CLN3: variants seen among roughly 807,000 people sequenced by gnomAD.
The protein encoded by CLN3 is battenin.
CLN3 carries 49 observed loss-of-function variants against 60.7 expected under a neutral mutation model. The ratio of observed to expected loss-of-function variants is 0.81; its 90% CI spans 0.64 to 1.02. The LOEUF is 1.02. Among genes scored for constraint, CLN3 ranks in the 50% least tolerant of loss-of-function variants. The probability of loss-of-function intolerance (pLI) is 0.00; values close to 1 mark genes in which losing one functional copy is unlikely to be tolerated. For missense variants in CLN3, 516 were observed against 557.4 expected (o/e 0.93, Z 0.75); for synonymous variants, 256 against 245.8 (o/e 1.04, Z -0.39).
chr16:28,486,527 A>C (rs1475475465), intron 8 of CLN3, 37 bp from the exon 9 acceptor site: 1 of 1,609,144 alleles, frequency 6.2e-7, no homozygotes, highest in East Asian at 2.2e-5. Flanking sequence ...AGGAGGACCT[A>C]GGCTGACCAT....
intron 14 of CLN3, among the ~76,000 whole-genome samples, chr16:28,481,043 G>A (rs925702254): frequency 2.0e-5 from 3 of 152,144 alleles, no homozygotes; most frequent in Admixed American, 6.6e-5. Flanking sequence ...CTTTGCCTGA[G>A]GTAAATGACC....
chr16:28,476,953 A>G (rs1399238570), downstream of CLN3: 1 of 171,272 alleles, frequency 5.8e-6, no homozygotes, highest in Non-Finnish European at 1.3e-5. Flanking sequence ...CCTGGCCAAC[A>G]TGGCAAAATG....
Position 28,488,646 on chromosome 16 carries a change from G to A in CLN3, c.239C>T (p.Thr80Met), listed in dbSNP as rs775999656. 71 of 1,614,044 alleles carry A rather than the reference G, an allele frequency of 4.4e-5. No individual in the cohort carries two copies. Among genetic ancestry groups the A allele is most frequent in the Non-Finnish European group, 5.8e-5 (68 of 1,180,008 alleles). ...GNQSHVDPGP[T>M]PIPHNSSSRF... Reference sequence around the variant, plus strand: ...TGATGAGCTGTTGTGGGGGATCGGCGTTGGGCCTGGGTCCACCTAATGGGA... The same window carrying A: ...TGATGAGCTGTTGTGGGGGATCGGCATTGGGCCTGGGTCCACCTAATGGGA... Residue 80 changes from threonine (T) to methionine (M), a missense_variant, in exon 5 of 16, where the codon ACG becomes ATG. By Grantham distance (81) the Thr-to-Met change is moderately conservative. Coordinates refer to ENST00000636147, the MANE Select transcript of CLN3 (RefSeq NM_001042432.2).
In CLN3 at chr16:28,491,540, G is replaced by A. The variant is rs757558651; in HGVS notation, c.67C>T (p.Pro23Ser). ...TGATGGTCCAACAGAGGGAGCCGGG[G>A]CTCCGGGACGGTCTCCTCCCCTGGG... ...DSEGEETVPEPRLPLLDHQGA... is the reference protein window; with the variant it reads ...DSEGEETVPESRLPLLDHQGA... The change falls in exon 3 of 16, where the codon CCC (proline) becomes TCC (serine). Residue 23 changes from proline to serine, a missense_variant. Coordinates refer to ENST00000636147, the MANE Select transcript of CLN3 (RefSeq NM_001042432.2). The A allele has an allele frequency of 3.1e-6, 5 of 1,613,984 alleles. No homozygotes were observed. In the East Asian group the frequency reaches 6.7e-5, roughly 22 times the overall value.
chr16:28,473,838 G>A (rs1432608613), downstream of CLN3, among the ~76,000 whole-genome samples: 1 of 152,008 alleles, frequency 6.6e-6, no homozygotes, highest in African/African-American at 2.4e-5. Context: ...CGGTCAATAA[G>A]GACATGAAAA....
At chr16:28,489,122 G>C (rs932328958) in intron 4 of CLN3, among the ~76,000 whole-genome samples, 168 bp downstream of exon 4, 2 of 151,890 alleles carry the variant, frequency 1.3e-5, no homozygotes, top group Non-Finnish European at 2.9e-5. Flanking sequence ...GGCTGGTCTC[G>C]AACTCCTGAC....
chr16:28,491,900 C>G lies in CLN3; in HGVS notation c.-76-65G>C. On this transcript the variant is annotated intron_variant, in intron 1 of 15. Transcript: ENST00000636147. Reference sequence around the variant, plus strand: ...CCAGCTCCGGCTTGTCTAGGGCACTCGCGCCCCGCGATCCATCAAGGAAGC... The same window carrying G: ...CCAGCTCCGGCTTGTCTAGGGCACTGGCGCCCCGCGATCCATCAAGGAAGC... 6.3e-6 allele frequency: 7 copies of G among 1,106,184 alleles called. No individual in the cohort carries two copies. In the South Asian group the frequency reaches 9.3e-5, roughly 15 times the overall value. 68.5% of individuals were successfully genotyped at this position (1,106,184 alleles called of 1,614,324 possible). A position where few individuals can be genotyped will look rare whatever the true frequency, so the allele number is the denominator to read the frequency against.
chr16:28,470,683 G>C, downstream of CLN3: 1 of 544,458 alleles, frequency 1.8e-6, no homozygotes, highest in Non-Finnish European at 3.3e-6. Context: ...GAAAGGAGGA[G>C]AAGGGGGCTG....
downstream of CLN3, chr16:28,469,619 A>T: frequency 3.9e-6 from 1 of 255,656 alleles, no homozygotes; most frequent in Non-Finnish European, 8.0e-6. Flanking sequence ...AAATAAATAA[A>T]ATAATGTAGA....
rs1425361095 is a variant in CLN3 at position 28,479,770 on chromosome 16, A to AAAAAC, written c.1057-1898_1057-1894dup. 4 of 222,612 alleles carry AAAAAC rather than the reference A, an allele frequency of 1.8e-5. No homozygotes were observed. The Admixed American group carries it at 2.0e-4, about 11-fold the overall frequency. 13.8% of individuals were successfully genotyped at this position (222,612 alleles called of 1,614,324 possible). ...GGCAACAGAGCGAGACTCCATCTCA[A>AAAAAC]AAAACAAAACAAAACAAAAAACATT... On this transcript the variant is annotated intron_variant, in intron 14 of 15. Coordinates refer to ENST00000636147, the MANE Select transcript of CLN3 (RefSeq NM_001042432.2).
At chr16:28,491,892 A>C in intron 1 of CLN3, 57 bp from the exon 2 acceptor site, 1 of 1,201,072 alleles carries the variant, frequency 8.3e-7, no homozygotes, top group Non-Finnish European at 1.2e-6. Flanking sequence ...CGGCTTGTCT[A>C]GGGCACTCGC....
At position 28,491,528 on chromosome 16, in the gene CLN3, G is replaced by C. The variant is rs2046313835; in HGVS notation, c.79C>G (p.Leu27Val). The change falls in exon 3 of 16, where the codon CTG becomes GTG. Residue 27 changes from leucine to valine, a missense_variant. Leu to Val is a conservative substitution (Grantham distance 32). Coordinates refer to ENST00000636147, the MANE Select transcript of CLN3 (RefSeq NM_001042432.2). ...CAATGCGCGCCCTGATGGTCCAACA[G>C]AGGGAGCCGGGGCTCCGGGACGGTC... ...EETVPEPRLP[L>V]LDHQGAHWKN... 6.2e-7 allele frequency: 1 copy of C among 1,614,040 alleles called. No individual in the cohort carries two copies. The highest frequency in any genetic ancestry group is 8.5e-7 in the Non-Finnish European group (1 of 1,180,046).
chr16:28,484,201 G>T, intron 9 of CLN3, 83 bp from the exon 10 acceptor site: 1 of 940,846 alleles, frequency 1.1e-6, no homozygotes. Context: ...TTTTCCCAGG[G>T]AACACCTCTA....
In CLN3 at chr16:28,477,576, C is replaced by G; in HGVS notation, c.1257G>C (p.Gly419=). 2 of 1,613,890 alleles carry G rather than the reference C, an allele frequency of 1.2e-6. No individual in the cohort carries two copies. The highest frequency in any genetic ancestry group is 2.2e-5 in the South Asian group (2 of 91,084). The change falls in exon 16 of 16, where the codon GGG becomes GGC. Residue 419 remains glycine, a synonymous_variant. Transcript: ENST00000636147. ...AAGCCAGGAGCCCCGACAGGGAGATCCCCAGTGTGTCAGAGATGCAGGTGG... is the reference window on the plus strand; with the variant it reads ...AAGCCAGGAGCCCCGACAGGGAGATGCCCAGTGTGTCAGAGATGCAGGTGG... ...MAATCISDTL[G]ISLSGLLALP...
chr16:28,489,383 C>T lies in CLN3; in HGVS notation c.129G>A (p.Leu43=), dbSNP rs755493834. ...AAGAGAAGTTGTTGCAAAGGCCCAG[C>T]AGCCTGGAAGGAGCAGGACAGGTCT... ...AHWKNAVGFW[L]LGLCNNFSYV... is the part of the protein sequence containing the mutation. The change falls in exon 4 of 16, where the codon CTG becomes CTA. Residue 43 remains leucine (L), a synonymous_variant. Transcript: ENST00000636147. 6.2e-7 allele frequency: 1 copy of T among 1,609,692 alleles called. No homozygotes were observed. Among genetic ancestry groups the T allele is most frequent in the East Asian group, 2.2e-5 (1 of 44,770 alleles).
intron 4 of CLN3, among the ~76,000 whole-genome samples, chr16:28,488,996 G>A (rs1442472161): frequency 6.6e-6 from 1 of 152,148 alleles, no homozygotes; most frequent in East Asian, 1.9e-4. Context: ...CCACCTCCTG[G>A]CTTCAAGCAA....
At position 28,487,546 on chromosome 16, in the gene CLN3, G is replaced by T. The variant is rs751293136; in HGVS notation, c.375-5C>A. The T allele has an allele frequency of 1.9e-6, 3 of 1,613,624 alleles. No homozygotes were observed. The highest frequency in any genetic ancestry group is 2.5e-6 in the Non-Finnish European group (3 of 1,179,698). On this transcript the variant is annotated splice_region_variant and splice_polypyrimidine_tract_variant and intron_variant, in intron 6 of 15. Transcript: ENST00000636147. ...CCACTGACGAGAACCCGGGGGCTGA[G>T]GGGGTGAGAAGGGAAGGGAGGGGGA... is the stretch of plus-strand genomic sequence containing the variant.
intron 3 of CLN3, among the ~76,000 whole-genome samples, chr16:28,490,741 CAG>C (rs1322831356): frequency 3.3e-5 from 4 of 122,146 alleles, no homozygotes; most frequent in Non-Finnish European, 4.8e-5. Context: ...GCCTGGAGGA[CAG>C]AGAGAGACTC....
rs1213121886 is a variant in CLN3 at position 28,488,612 on chromosome 16, G to A, written c.273C>T (p.Asp91=). Residue 91 remains aspartate, a synonymous_variant, in exon 5 of 16, where the codon GAC becomes GAT. Transcript: ENST00000636147. ...GCACAGCCGTAGAGACAGAGTTGCAGTCAAATCGTGATGAGCTGTTGTGGG... is the reference window on the plus strand; with the variant it reads ...GCACAGCCGTAGAGACAGAGTTGCAATCAAATCGTGATGAGCTGTTGTGGG... The part of the protein sequence containing the change: ...PIPHNSSSRF[D]CNSVSTAAVL... 1.1e-5 allele frequency: 18 copies of A among 1,614,214 alleles called. No homozygotes were observed. The highest frequency in any genetic ancestry group is 1.5e-5 in the Non-Finnish European group (18 of 1,180,038).
Sources: gnomAD v4.1 joint callset for allele counts (sites outside exome capture counted in the v4.1 genomes callset) on GRCh38, gnomAD v4.1.1 for gene constraint, MANE v1.5 for transcripts, NCBI Gene and HGNC (gene_info 2026-07-23, HGNC 2026-07-21) for gene names.